UNC13C: variants seen among roughly 807,000 people sequenced by gnomAD.
UNC13C encodes unc-13 homolog C.
UNC13C carries 174 observed loss-of-function variants against 245.4 expected under a neutral mutation model. The observed-to-expected ratio is 0.71, with a 90% CI of 0.63 to 0.80. UNC13C has a LOEUF of 0.80. Ranked by LOEUF, UNC13C falls within the 30% of genes least tolerant of loss-of-function variation. The pLI, the probability that UNC13C is intolerant of heterozygous loss-of-function variation, is 0.00. For synonymous variants in UNC13C, 992 were observed against 895.1 expected (o/e 1.11, Z -1.93); for missense variants, 2,829 against 2,602.9 (o/e 1.09, Z -1.89).
chr15:54,375,105 A>G (rs1472867310), intron 17 of UNC13C, among the ~76,000 whole-genome samples: 1 of 152,204 alleles, frequency 6.6e-6, no homozygotes, highest in Non-Finnish European at 1.5e-5. Flanking sequence ...GAATTTCTGT[A>G]AGATATATAC....
At chr15:54,504,513 C>G (rs978240311) in intron 22 of UNC13C, among the ~76,000 whole-genome samples, 29 of 152,300 alleles carry the variant, frequency 1.9e-4, no homozygotes, top group Middle Eastern at 3.4e-3. Flanking sequence ...ACTCACTTCT[C>G]ATTCTGGTGT....
chr15:54,598,452 T>C (rs1423334171), intron 30 of UNC13C, among the ~76,000 whole-genome samples: 3 of 152,136 alleles, frequency 2.0e-5, no homozygotes, highest in Admixed American at 2.0e-4. Context: ...TTTAAAAAAT[T>C]GAGTGAAAAC....
chr15:54,104,839 C>A (rs953197224), intron 2 of UNC13C, among the ~76,000 whole-genome samples: 2 of 152,068 alleles, frequency 1.3e-5, no homozygotes, highest in African/African-American at 4.8e-5. Context: ...CATATTGTAA[C>A]AATAAGACAC....
chr15:54,227,213 T>C (rs2035411688), intron 4 of UNC13C, among the ~76,000 whole-genome samples: 1 of 152,098 alleles, frequency 6.6e-6, no homozygotes, highest in African/African-American at 2.4e-5. Flanking sequence ...CAGGTTTTTA[T>C]GGGCTCAGAA....
intron 32 of UNC13C, among the ~76,000 whole-genome samples, chr15:54,626,163 A>ACTTGGC (rs139046447): frequency 0.56 from 84,535 of 151,200 alleles, 24,879 homozygotes; most frequent in Middle Eastern, 0.68. Flanking sequence ...CCATATCACC[A>ACTTGGC]CTTGGCCTTC....
At chr15:54,304,416 A>G (rs945146489) in intron 13 of UNC13C, among the ~76,000 whole-genome samples, 1 of 152,080 alleles carries the variant, frequency 6.6e-6, no homozygotes, top group African/African-American at 2.4e-5. Flanking sequence ...ATTTTTATAT[A>G]TCACATGTTT....
the UNC13C span, among the ~76,000 whole-genome samples, chr15:53,895,250 G>T: frequency 6.9e-6 from 1 of 144,256 alleles, no homozygotes; most frequent in Admixed American, 7.3e-5. Context: ...TGTAATCCCA[G>T]TTACTCTAGA....
At chr15:54,088,189 G>T (rs1298295543) in intron 2 of UNC13C, among the ~76,000 whole-genome samples, 3 of 143,416 alleles carry the variant, frequency 2.1e-5, no homozygotes, top group East Asian at 4.1e-4. Flanking sequence ...AGCAGCCATG[G>T]GCTTCCTTTT....
chr15:54,577,134 C>T (rs1419938036), intron 30 of UNC13C, among the ~76,000 whole-genome samples: 2 of 151,690 alleles, frequency 1.3e-5, no homozygotes, highest in East Asian at 3.9e-4. Context: ...AATTATCATA[C>T]AAGATAAAAG....
the UNC13C span, among the ~76,000 whole-genome samples, chr15:53,917,902 G>A: frequency 6.6e-6 from 1 of 152,026 alleles, no homozygotes; most frequent in Non-Finnish European, 1.5e-5. Flanking sequence ...TTAAAGCACA[G>A]TCACCTGTCT....
chr15:54,622,345 C>A lies in UNC13C; in HGVS notation c.6125C>A (p.Ala2042Asp), dbSNP rs1170977676. ...TTTTCAGGTCGTTCCTCCAAAGATG[C>A]CGTGGGTCAGATATCTGTTCATGTG... ...QTSQSRSSKD[A>D]VGQISVHVDI... The change falls in exon 31 of 33, where the codon GCC becomes GAC. Residue 2042 changes from alanine to aspartate, a missense_variant. Coordinates refer to ENST00000260323, the MANE Select transcript of UNC13C (RefSeq NM_001080534.3). 6 of 1,613,216 alleles carry A rather than the reference C, an allele frequency of 3.7e-6. No individual in the cohort carries two copies. Among genetic ancestry groups the A allele is most frequent in the African/African-American group, 1.3e-5 (1 of 74,994 alleles).
intron 1 of UNC13C, among the ~76,000 whole-genome samples, chr15:53,984,771 A>C (rs536450843): frequency 6.6e-6 from 1 of 152,174 alleles, no homozygotes; most frequent in African/African-American, 2.4e-5. Flanking sequence ...ATAACAAGAA[A>C]AATAATTCAA....
At chr15:54,531,101 A>G (rs988335804) in intron 25 of UNC13C, among the ~76,000 whole-genome samples, 6 of 152,186 alleles carry the variant, frequency 3.9e-5, no homozygotes, top group African/African-American at 1.2e-4. Flanking sequence ...TTTCGCTGAC[A>G]GGTTGGATGT....
chr15:54,262,626 G>A (rs1001426219), intron 8 of UNC13C, among the ~76,000 whole-genome samples: 2 of 152,224 alleles, frequency 1.3e-5, no homozygotes, highest in African/African-American at 4.8e-5. Flanking sequence ...CAACAGTGTA[G>A]ACCATTTACA....
chr15:54,609,869 C>T (rs992802199), intron 30 of UNC13C, among the ~76,000 whole-genome samples: 2 of 152,082 alleles, frequency 1.3e-5, no homozygotes, highest in Non-Finnish European at 2.9e-5. Flanking sequence ...GGGAAGAAAA[C>T]GTGCTTCTTC....
intron 25 of UNC13C, among the ~76,000 whole-genome samples, chr15:54,527,284 G>A (rs1220755633): frequency 6.6e-6 from 1 of 152,172 alleles, no homozygotes; most frequent in Non-Finnish European, 1.5e-5. Flanking sequence ...CATTTCAGGT[G>A]TGTCTCTCTT....
the UNC13C span, among the ~76,000 whole-genome samples, chr15:53,892,626 C>A: frequency 6.6e-6 from 1 of 152,016 alleles, no homozygotes; most frequent in Non-Finnish European, 1.5e-5. Context: ...TTAAGTTGAT[C>A]TTCAGTCTCT....
intron 29 of UNC13C, among the ~76,000 whole-genome samples, chr15:54,559,361 A>T (rs142786464): frequency 6.6e-6 from 1 of 152,020 alleles, no homozygotes; most frequent in East Asian, 1.9e-4. Flanking sequence ...TGCTATCTCC[A>T]TTGTCCATGG....
intron 2 of UNC13C, among the ~76,000 whole-genome samples, chr15:54,055,700 TA>T (rs765655530): frequency 9.9e-5 from 15 of 152,228 alleles, no homozygotes; most frequent in Non-Finnish European, 1.3e-4. Context: ...GATGGTGTTT[TA>T]TTTTTTTGGA....
Sources: allele counts gnomAD v4.1 joint callset (sites outside exome capture counted in the v4.1 genomes callset), GRCh38; gene constraint gnomAD v4.1.1; transcripts MANE v1.5; gene names NCBI Gene and HGNC (gene_info 2026-07-23, HGNC 2026-07-21).